The following CS variants were observed in gnomAD, a reference collection of about 807,000 sequenced individuals.
The protein encoded by CS is citrate synthase, mitochondrial.
CS carries 13 observed loss-of-function variants against 61.4 expected under a neutral mutation model. That is an observed-to-expected ratio of 0.21 (90% CI 0.14 to 0.34). The LOEUF (loss-of-function observed/expected upper bound fraction) is 0.34. CS is among the 10% of genes least tolerant of loss of function. CS has a pLI of 1.00. For synonymous variants in CS, 159 were observed against 215.2 expected (o/e 0.74, Z 2.29); for missense variants, 278 against 573.4 (o/e 0.48, Z 5.26).
intron 3 of CS, among the ~76,000 whole-genome samples, chr12:56,284,086 C>T (rs570981940): frequency 1.3e-5 from 2 of 150,048 alleles, no homozygotes; most frequent in Non-Finnish European, 3.0e-5. Flanking sequence ...TTTGGGAAGC[C>T]GAGGCAGGTG....
chr12:56,292,734 A>AG (rs1592413565), intron 1 of CS, among the ~76,000 whole-genome samples: 1 of 139,586 alleles, frequency 7.2e-6, no homozygotes, highest in African/African-American at 2.5e-5. Context: ...AAAATACAAA[A>AG]AAAAAAAAAA....
At chr12:56,273,369 C>T (rs1314061903) in intron 10 of CS, 115 bp from the exon 11 acceptor site, 2 of 1,150,110 alleles carry the variant, frequency 1.7e-6, no homozygotes, top group Non-Finnish European at 2.5e-6. Flanking sequence ...AGGACTTAGC[C>T]CAGTCAACCT....
chr12:56,291,396 C>CT (rs932114762), intron 1 of CS: 26 of 510,958 alleles, frequency 5.1e-5, no homozygotes, highest in Non-Finnish European at 6.4e-5. Context: ...TACCAGTTTT[C>CT]TTTTTAAGGG....
chr12:56,294,822 G>A (rs778499566), intron 1 of CS, among the ~76,000 whole-genome samples: 26 of 152,146 alleles, frequency 1.7e-4, no homozygotes, highest in Non-Finnish European at 3.1e-4. Flanking sequence ...AGGCTGGAGT[G>A]CAGTGGCATG....
chr12:56,280,941 T>C (rs1872762348), intron 6 of CS, among the ~76,000 whole-genome samples: 1 of 152,206 alleles, frequency 6.6e-6, no homozygotes, highest in South Asian at 2.1e-4. Flanking sequence ...AAATGCTCTC[T>C]GTCTTCCTCA....
intron 1 of CS, among the ~76,000 whole-genome samples, chr12:56,299,293 A>G (rs1214630758): frequency 1.1e-4 from 17 of 152,174 alleles, no homozygotes; most frequent in Admixed American, 1.1e-3. Context: ...CATTACCTGC[A>G]ACAGTATTTC....
Position 56,271,750 on chromosome 12 carries a change from C to G in CS, c.*1334G>C. ...CATTTTATACAGAACAACCTGAAGT[C>G]TCCATCATGACTTGACAGTTACCCA... On this transcript the variant is annotated 3_prime_UTR_variant, in exon 11 of 11. Transcript: ENST00000351328. 1 of 367,600 alleles carries G rather than the reference C, an allele frequency of 2.7e-6. No homozygotes were observed. 22.8% of individuals were successfully genotyped at this position (367,600 alleles called of 1,614,324 possible). A position where few individuals can be genotyped will look rare whatever the true frequency, so the allele number is the denominator to read the frequency against.
At chr12:56,299,530 A>C (rs1270641673) in intron 1 of CS, among the ~76,000 whole-genome samples, 2 of 152,188 alleles carry the variant, frequency 1.3e-5, no homozygotes, top group East Asian at 1.9e-4. Context: ...ATAGTCATGC[A>C]GGAGGTTGTA....
intron 6 of CS, among the ~76,000 whole-genome samples, chr12:56,277,506 A>T (rs1410387313): frequency 1.5e-5 from 2 of 135,708 alleles, no homozygotes; most frequent in Non-Finnish European, 3.4e-5. Context: ...CTCAAAAAAT[A>T]AAAAAAAAAG....
At chr12:56,280,331 T>C (rs1872737313) in intron 6 of CS, among the ~76,000 whole-genome samples, 2 of 147,890 alleles carry the variant, frequency 1.4e-5, no homozygotes, top group South Asian at 4.3e-4. Context: ...AGGAGAATTG[T>C]GTGAACCCAG....
chr12:56,286,294 T>G, intron 2 of CS: 1 of 542,436 alleles, frequency 1.8e-6, no homozygotes. Context: ...CTACTGCCAC[T>G]AAACCATATA....
chr12:56,285,302 A>G, intron 3 of CS: 1 of 431,186 alleles, frequency 2.3e-6, no homozygotes, highest in Non-Finnish European at 4.7e-6. Context: ...TTTGTTTTGG[A>G]GATAGGGTCT....
At chr12:56,297,995 C>T (rs574359101) in intron 1 of CS, among the ~76,000 whole-genome samples, 1 of 152,056 alleles carries the variant, frequency 6.6e-6, no homozygotes, top group Non-Finnish European at 1.5e-5. Flanking sequence ...TGCTACCCCC[C>T]CCGCCCTTTT....
intron 6 of CS, among the ~76,000 whole-genome samples, chr12:56,279,385 C>A (rs1279678724): frequency 6.6e-6 from 1 of 151,786 alleles, no homozygotes; most frequent in East Asian, 1.9e-4. Context: ...CTCCTATAAT[C>A]CCCAGCACTT....
At position 56,271,734 on chromosome 12, in the gene CS, C is replaced by G. The variant is rs1872524833; in HGVS notation, c.*1350G>C. On this transcript the variant is annotated 3_prime_UTR_variant, in exon 11 of 11. Transcript: ENST00000351328. ...AAAAACATTTATTTTGCATTTTATACAGAACAACCTGAAGTCTCCATCATG... is the reference window on the plus strand; with the variant it reads ...AAAAACATTTATTTTGCATTTTATAGAGAACAACCTGAAGTCTCCATCATG... 6.0e-6 allele frequency: 2 copies of G among 331,144 alleles called. No homozygotes were observed. The highest frequency in any genetic ancestry group is 4.4e-5 in the African/African-American group (2 of 45,398). 20.5% of individuals were successfully genotyped at this position (331,144 alleles called of 1,614,324 possible).
At position 56,300,256 on chromosome 12, in the gene CS, A is replaced by C. The variant is rs750019958; in HGVS notation, c.-55T>G. The C allele has an allele frequency of 7.0e-5, 106 of 1,518,818 alleles. No individual in the cohort carries two copies. The highest frequency in any genetic ancestry group is 9.0e-5 in the Non-Finnish European group (101 of 1,127,592). The allele number at this position is 1,518,818 out of a possible 1,614,324, so 94.1% of individuals were successfully genotyped here. A position where few individuals can be genotyped will look rare whatever the true frequency, so the allele number is the denominator to read the frequency against. On this transcript the variant is annotated 5_prime_UTR_variant, in exon 1 of 11. Transcript: ENST00000351328. ...GGTAAGAAAGGGAGAGAGCTGCGGC[A>C]GGAACAGGAGCCGCCGCCGCTGCAC...
chr12:56,299,037 G>A (rs1873395038), intron 1 of CS, among the ~76,000 whole-genome samples: 1 of 148,146 alleles, frequency 6.8e-6, no homozygotes, highest in African/African-American at 2.5e-5. Context: ...GCAATATCCT[G>A]TCTCAAAAAA....
chr12:56,279,066 C>G (rs527758312), intron 6 of CS, among the ~76,000 whole-genome samples: 1 of 152,104 alleles, frequency 6.6e-6, no homozygotes, highest in South Asian at 2.1e-4. Context: ...TGAGTCCCCA[C>G]GCCTGGCCTA....
chr12:56,285,626 C>A (rs533238674), intron 3 of CS, among the ~76,000 whole-genome samples: 135 of 152,118 alleles, frequency 8.9e-4, no homozygotes, highest in African/African-American at 3.3e-3. Flanking sequence ...TTTTTTTCTC[C>A]TGCCCACTCA....
Sources: allele counts gnomAD v4.1 joint callset (sites outside exome capture counted in the v4.1 genomes callset), GRCh38; gene constraint gnomAD v4.1.1; transcripts MANE v1.5; gene names NCBI Gene and HGNC (gene_info 2026-07-23, HGNC 2026-07-21).